The following CABLES2 variants were observed in gnomAD, a reference collection of about 807,000 sequenced individuals.
The protein encoded by CABLES2 is Cdk5 and Abl enzyme substrate 2.
CABLES2 carries 35 observed loss-of-function variants against 44.8 expected under a neutral mutation model. The observed-to-expected ratio is 0.78, with a 90% CI of 0.60 to 1.04. The LOEUF is 1.04. CABLES2 is among the 50% of genes least tolerant of loss of function. The pLI is 0.00. For missense variants in CABLES2, 566 were observed against 615.7 expected (o/e 0.92, Z 0.85); for synonymous variants, 282 against 281.1 (o/e 1.00, Z -0.03).
chr20:62,394,954 C>A lies in CABLES2; in HGVS notation c.588G>T (p.Gly196=), dbSNP rs1221899673. The change falls in exon 4 of 10, where the codon GGG becomes GGT. Residue 196 remains glycine, a synonymous_variant. Transcript: ENST00000279101. ...GTACTCACCTGATCCGCAGGCCTTCCCCATAGGGCAGGACCGAGAAGGCCG... is the reference window on the plus strand; with the variant it reads ...GTACTCACCTGATCCGCAGGCCTTCACCATAGGGCAGGACCGAGAAGGCCG... ...LCAAFSVLPY[G]EGLRISDLRV... is the part of the protein sequence containing the mutation. 1 of 1,612,918 alleles carries A rather than the reference C, an allele frequency of 6.2e-7. No individual in the cohort carries two copies.
intron 4 of CABLES2, 36 bp from the exon 5 acceptor site, chr20:62,394,301 C>A: frequency 1.3e-6 from 2 of 1,566,978 alleles, no homozygotes; most frequent in Non-Finnish European, 8.8e-7. Context: ...CTGTGGTCTG[C>A]GCTGAACTCA....
rs562812789 is a variant in CABLES2, at chr20:62,390,702, C to A, written c.*269G>T. ...GGTCTCAGGCACGTGAAAAAAATAC[C>A]AGTAACAAACCTCACATTTAGTTTA... On this transcript the variant is annotated 3_prime_UTR_variant, in exon 10 of 10. Coordinates refer to ENST00000279101, the MANE Select transcript of CABLES2 (RefSeq NM_031215.3). 1 of 481,476 alleles carries A rather than the reference C, an allele frequency of 2.1e-6. No homozygotes were observed. Among genetic ancestry groups the A allele is most frequent in the East Asian group, 3.4e-5 (1 of 29,214 alleles). 29.8% of individuals were successfully genotyped at this position (481,476 alleles called of 1,614,324 possible).
At chr20:62,404,002 CA>C (rs35634450) in intron 1 of CABLES2, 62,357 of 151,960 alleles carry the variant, frequency 0.41, 13,595 homozygotes, top group African/African-American at 0.54. Flanking sequence ...CCAGCCTAGA[CA>C]ATATAGTGAG....
rs1453310171 is a variant in CABLES2, at chr20:62,390,875, T to TGGGGGTGCTGGCAGGA, written c.*80_*95dup. On this transcript the variant is annotated 3_prime_UTR_variant, in exon 10 of 10. Transcript: ENST00000279101. ...CCAGGTGCCTCCTGCTAGCAGGTGC[T>TGGGGGTGCTGGCAGGA]GGGGGTGCTGGCAGGAGGAGGCGCG... The TGGGGGTGCTGGCAGGA allele has an allele frequency of 6.8e-6, 10 of 1,469,200 alleles. No homozygotes were observed. Among genetic ancestry groups the TGGGGGTGCTGGCAGGA allele is most frequent in the African/African-American group, 1.4e-5 (1 of 71,892 alleles). 91.0% of individuals were successfully genotyped at this position (1,469,200 alleles called of 1,614,324 possible).
intron 8 of CABLES2, among the ~76,000 whole-genome samples, 153 bp downstream of exon 8, chr20:62,392,236 A>G (rs981615614): frequency 1.5e-5 from 1 of 64,580 alleles, no homozygotes. Flanking sequence ...GAGGTGGGGG[A>G]GCTGCTGCTG....
rs1232915933 is a variant in CABLES2 at position 62,390,785 on chromosome 20, T to C, written c.*186A>G. The C allele has an allele frequency of 4.7e-6, 3 of 632,144 alleles. No homozygotes were observed. Among genetic ancestry groups the C allele is most frequent in the Non-Finnish European group, 8.2e-6 (3 of 366,882 alleles). The allele number at this position is 632,144 out of a possible 1,614,324, so 39.2% of individuals were successfully genotyped here. On this transcript the variant is annotated 3_prime_UTR_variant, in exon 10 of 10. Coordinates refer to ENST00000279101, the MANE Select transcript of CABLES2 (RefSeq NM_031215.3). The stretch of plus-strand genomic sequence containing the variant: ...CTCGGAGGGACGGTGCACTTGGGGA[T>C]GAAAGCGACGTCTCTTTCCAAGGAA...
chr20:62,395,020 G>C lies in CABLES2; in HGVS notation c.528-6C>G. On this transcript the variant is annotated splice_region_variant and splice_polypyrimidine_tract_variant and intron_variant, in intron 3 of 9. Coordinates refer to ENST00000279101, the MANE Select transcript of CABLES2 (RefSeq NM_031215.3). The stretch of plus-strand genomic sequence containing the variant: ...TGGCACAGATGAGCACGATCCTGCA[G>C]GGGGACGGAGTCAGGGGAGACGGGG... 6.2e-7 allele frequency: 1 copy of C among 1,612,400 alleles called. No individual in the cohort carries two copies. Among genetic ancestry groups the C allele is most frequent in the South Asian group, 1.1e-5 (1 of 91,056 alleles).
At position 62,393,584 on chromosome 20, in the gene CABLES2, G is replaced by T. The variant is rs368640508; in HGVS notation, c.736C>A (p.Leu246Met). 2 of 1,602,490 alleles carry T rather than the reference G, an allele frequency of 1.2e-6. No individual in the cohort carries two copies. Among genetic ancestry groups the T allele is most frequent in the African/African-American group, 2.7e-5 (2 of 74,506 alleles). Residue 246 changes from leucine to methionine, a missense_variant, in exon 6 of 10, where the codon CTG becomes ATG. Physicochemically the swap from Leu to Met is conservative, Grantham distance 15. Around this residue, in one of 2 missense-constraint regions of CABLES2, gnomAD observed 436 missense variants for 536.3 expected, o/e 0.81. Transcript: ENST00000279101. ...GTGACCAGGGCGTTGGTGGGATACA[G>T]GAACTTCGCATAAGACACGACCTGG... ...DGKVVSYAKF[L>M]YPTNALVTHK...
At chr20:62,394,334 T>TGTC (rs1055868187) in intron 4 of CABLES2, 69 bp from the exon 5 acceptor site, 1 of 1,291,404 alleles carries the variant, frequency 7.7e-7, no homozygotes, top group African/African-American at 1.5e-5. Flanking sequence ...CCAGCCCACC[T>TGTC]GTCCGCTGGC....
rs1268115234 is a variant in CABLES2, at chr20:62,389,669, G to C, written c.*1302C>G. 2 of 152,278 alleles carry C rather than the reference G, an allele frequency of 1.3e-5. No individual in the cohort carries two copies. The highest frequency in any genetic ancestry group is 2.9e-5 in the Non-Finnish European group (2 of 68,080). 9.4% of individuals were successfully genotyped at this position (152,278 alleles called of 1,614,324 possible). A position where few individuals can be genotyped will look rare whatever the true frequency, so the allele number is the denominator to read the frequency against. ...AGGAAAAAGCTTGGTGGCTGAGGCAGTGGCCAGTTTTGAGACCAGCTGACC... is the reference window on the plus strand; with the variant it reads ...AGGAAAAAGCTTGGTGGCTGAGGCACTGGCCAGTTTTGAGACCAGCTGACC... On this transcript the variant is annotated 3_prime_UTR_variant, in exon 10 of 10. Coordinates refer to ENST00000279101, the MANE Select transcript of CABLES2 (RefSeq NM_031215.3).
At position 62,402,216 on chromosome 20, in the gene CABLES2, G is replaced by A. The variant is rs370767338; in HGVS notation, c.362+4699C>T. ...GCGGGCCACCAAGCCTCCATCCAAA[G>A]TCATGCTCACAGACAGGAAGAGAAA... On this transcript the variant is annotated intron_variant, in intron 1 of 9. Transcript: ENST00000279101. 3.9e-5 allele frequency: 6 copies of A among 152,360 alleles called. No homozygotes were observed. The East Asian group carries it at 1.2e-3, about 29-fold the overall frequency. 9.4% of individuals were successfully genotyped at this position (152,360 alleles called of 1,614,324 possible). A position where few individuals can be genotyped will look rare whatever the true frequency, so the allele number is the denominator to read the frequency against.
chr20:62,407,083 C>A lies in CABLES2; in HGVS notation c.194G>T (p.Gly65Val). Reference sequence around the variant, plus strand: ...CGGCGGGGGCTTCTCTCCGCCCGGGCCCAGGCTCGGGGGCCGCCCGTCCAG... The same window carrying A: ...CGGCGGGGGCTTCTCTCCGCCCGGGACCAGGCTCGGGGGCCGCCCGTCCAG... ...ISLDGRPPSL[G>V]PGGEKPPPPP... The change falls in exon 1 of 10, where the codon GGC becomes GTC. Residue 65 changes from glycine (G) to valine (V), a missense_variant. Physicochemically the swap from Gly to Val is moderately radical, Grantham distance 109 (BLOSUM62 -3). Coordinates refer to ENST00000279101, the MANE Select transcript of CABLES2 (RefSeq NM_031215.3). 9.4e-7 allele frequency: 1 copy of A among 1,060,446 alleles called. No individual in the cohort carries two copies. Among genetic ancestry groups the A allele is most frequent in the Non-Finnish European group, 1.1e-6 (1 of 877,974 alleles). 65.7% of individuals were successfully genotyped at this position (1,060,446 alleles called of 1,614,324 possible). A position where few individuals can be genotyped will look rare whatever the true frequency, so the allele number is the denominator to read the frequency against.
intron 1 of CABLES2, among the ~76,000 whole-genome samples, chr20:62,402,066 A>C (rs1297874110): frequency 1.3e-5 from 2 of 151,840 alleles, no homozygotes; most frequent in African/African-American, 4.8e-5. Context: ...GGTTCCCCCC[A>C]CGTGGCAGTG....
Position 62,407,244 on chromosome 20 carries a change from G to A in CABLES2, c.33C>T (p.Gly11=), listed in dbSNP as rs1034349942. The A allele has an allele frequency of 2.2e-4, 173 of 775,676 alleles. No homozygotes were observed. The highest frequency in any genetic ancestry group is 1.6e-4 in the Non-Finnish European group (102 of 641,842). The allele number at this position is 775,676 out of a possible 1,614,324, so 48.0% of individuals were successfully genotyped here. Reference sequence around the variant, plus strand: ...GGGGCCCGGCGGGGCCGGGGGCCGGGCCCGGGGCTCCACCGGCCGCGGCCG... The same window carrying A: ...GGGGCCCGGCGGGGCCGGGGGCCGGACCCGGGGCTCCACCGGCCGCGGCCG... MAAAAAGGAP[G]PAPGPAGPPP... is the part of the protein sequence containing the mutation. The change falls in exon 1 of 10, where the codon GGC becomes GGT. Residue 11 remains glycine (G), a synonymous_variant. Transcript: ENST00000279101.
rs146698432 is a variant in CABLES2 at position 62,397,705 on chromosome 20, G to C, written c.363-1113C>G. On this transcript the variant is annotated intron_variant, in intron 1 of 9. Coordinates refer to ENST00000279101, the MANE Select transcript of CABLES2 (RefSeq NM_031215.3). ...CCGGGAGCCATGAATGTGTGCCTGAGCACCAAGGCATTCCAAAAGCACAGC... is the reference window on the plus strand; with the variant it reads ...CCGGGAGCCATGAATGTGTGCCTGACCACCAAGGCATTCCAAAAGCACAGC... Among the ~76,000 whole-genome samples, 352 of 152,342 alleles carry C rather than the reference G, an allele frequency of 2.3e-3. 1 individual carries two copies. The highest frequency in any genetic ancestry group is 8.1e-3 in the African/African-American group (338 of 41,568).
chr20:62,390,929 G>T lies in CABLES2; in HGVS notation c.*42C>A, dbSNP rs1345945491. Reference sequence around the variant, plus strand: ...CTTCAGTGGGACACCTCCCAGGCCGGCAAGTGCACCTCGGTGCCCTGAGCC... The same window carrying T: ...CTTCAGTGGGACACCTCCCAGGCCGTCAAGTGCACCTCGGTGCCCTGAGCC... On this transcript the variant is annotated 3_prime_UTR_variant, in exon 10 of 10. Coordinates refer to ENST00000279101, the MANE Select transcript of CABLES2 (RefSeq NM_031215.3). The T allele has an allele frequency of 1.2e-6, 2 of 1,604,596 alleles. No homozygotes were observed. The highest frequency in any genetic ancestry group is 1.7e-6 in the Non-Finnish European group (2 of 1,172,506).
Position 62,396,144 on chromosome 20 carries a change from T to C in CABLES2, c.527+171A>G, listed in dbSNP as rs1342794504. Among the ~76,000 whole-genome samples, 1 of 152,082 alleles carries C rather than the reference T, an allele frequency of 6.6e-6. No homozygotes were observed. Among genetic ancestry groups the C allele is most frequent in the Non-Finnish European group, 1.5e-5 (1 of 68,006 alleles). On this transcript the variant is annotated intron_variant, in intron 3 of 9. Transcript: ENST00000279101. This position sits in a 1 kb window ranked among gnomAD's most constrained non-coding sequence, Gnocchi z 5.7. ...CACCAGGGACCTGCGGGTGCTCGGCTGATGTGGAGCAAGCAGTGTGGTGGG... is the reference window on the plus strand; with the variant it reads ...CACCAGGGACCTGCGGGTGCTCGGCCGATGTGGAGCAAGCAGTGTGGTGGG...
rs1028015028 is a variant in CABLES2, at chr20:62,395,239, C to T, written c.528-225G>A. On this transcript the variant is annotated intron_variant, in intron 3 of 9. Transcript: ENST00000279101. Reference sequence around the variant, plus strand: ...CAGAGTGGATTCCCTACAGGAGCTACCGGGGTTCCCCTCCCTGGGACGCCG... The same window carrying T: ...CAGAGTGGATTCCCTACAGGAGCTATCGGGGTTCCCCTCCCTGGGACGCCG... Among the ~76,000 whole-genome samples, 13 of 152,362 alleles carry T rather than the reference C, an allele frequency of 8.5e-5. 1 individual carries two copies. Among genetic ancestry groups the T allele is most frequent in the East Asian group, 5.8e-4 (3 of 5,184 alleles).
chr20:62,403,520 G>C (rs1404896423), intron 1 of CABLES2: 1 of 152,406 alleles, frequency 6.6e-6, no homozygotes, highest in Non-Finnish European at 1.5e-5. Context: ...GATCCTCCCT[G>C]GAGCCTGCAG....
Sources: gnomAD v4.1 joint callset for allele counts (sites outside exome capture counted in the v4.1 genomes callset) on GRCh38, gnomAD v4.1.1 for gene constraint, gnomAD v4.1.1 regional missense constraint, Gnocchi (gnomAD v3.1) non-coding constraint, MANE v1.5 for transcripts, NCBI Gene and HGNC (gene_info 2026-07-23, HGNC 2026-07-21) for gene names.